The following FAM81B variants were observed in gnomAD, a reference collection of about 807,000 sequenced individuals.
FAM81B encodes the protein protein FAM81B.
Under a neutral mutation model 58.7 loss-of-function variants are expected in FAM81B, and 60 were observed. That is an observed-to-expected ratio of 1.02 (90% CI 0.83 to 1.27). The LOEUF (loss-of-function observed/expected upper bound fraction) is 1.27, where lower values mean the gene tolerates loss of function less well. Ranked by LOEUF, FAM81B falls within the 50% of genes most tolerant of loss-of-function variation. FAM81B has a pLI of 0.00. For synonymous variants in FAM81B, 189 were observed against 179.6 expected, an observed-to-expected ratio of 1.05 and a Z score of -0.42; for missense variants, 491 against 522.0, an observed-to-expected ratio of 0.94 and a Z score of 0.58.
chr5:95,397,906 C>T (rs1762004735), intron 3 of FAM81B, among the ~76,000 whole-genome samples: 1 of 152,154 alleles, frequency 6.6e-6, no homozygotes, highest in Non-Finnish European at 1.5e-5. Flanking sequence ...GATATCCCTC[C>T]AGTAGCCTAT....
intron 3 of FAM81B, among the ~76,000 whole-genome samples, chr5:95,399,316 C>T (rs573213680): frequency 6.6e-6 from 1 of 152,298 alleles, no homozygotes; most frequent in South Asian, 2.1e-4. Flanking sequence ...TGATGCATTG[C>T]TTTTGTTACT....
chr5:95,407,238 T>A (rs1294418701), intron 3 of FAM81B, among the ~76,000 whole-genome samples: 1 of 150,274 alleles, frequency 6.7e-6, no homozygotes, highest in Non-Finnish European at 1.5e-5. Flanking sequence ...ACCTGAGTGA[T>A]TCCAAAAATG....
intron 3 of FAM81B, among the ~76,000 whole-genome samples, chr5:95,410,195 A>T (rs1175907643): frequency 6.6e-6 from 1 of 152,178 alleles, no homozygotes; most frequent in Non-Finnish European, 1.5e-5. Flanking sequence ...TCTATCGGGA[A>T]TGGGGACACA....
At chr5:95,406,760 G>A (rs748960817) in intron 3 of FAM81B, among the ~76,000 whole-genome samples, 4 of 152,104 alleles carry the variant, frequency 2.6e-5, no homozygotes, top group South Asian at 2.1e-4. Context: ...GAGACAGGAT[G>A]GGAAGCCACA....
chr5:95,396,648 C>CTTGG (rs1761972953), intron 3 of FAM81B: 1 of 152,870 alleles, frequency 6.5e-6, no homozygotes, highest in Non-Finnish European at 1.5e-5. Flanking sequence ...CACAGAGGGA[C>CTTGG]AACTCCAGGC....
intron 7 of FAM81B, among the ~76,000 whole-genome samples, chr5:95,441,629 G>GGA (rs766572019): frequency 1.3e-5 from 2 of 151,732 alleles, no homozygotes; most frequent in Non-Finnish European, 2.9e-5. Context: ...AGGTTAAATA[G>GGA]GCAATCTTCC....
chr5:95,424,298 TAGAC>T (rs768013844), intron 5 of FAM81B: 101 of 1,129,236 alleles, frequency 8.9e-5, no homozygotes, highest in African/African-American at 4.8e-4. Flanking sequence ...AGATAGATGA[TAGAC>T]AGACAGACAG....
Position 95,413,980 on chromosome 5 carries a change from C to G in FAM81B, c.327C>G (p.Thr109=). Residue 109 remains threonine, a synonymous_variant, in exon 4 of 10, where the codon ACC becomes ACG. Transcript: ENST00000283357. Reference sequence around the variant, plus strand: ...CTTTTCTCCCCATCATTCCAAACACCCAGAGAGGTCAGCTAGAAGACAGAC... The same window carrying G: ...CTTTTCTCCCCATCATTCCAAACACGCAGAGAGGTCAGCTAGAAGACAGAC... ...SHAFLPIIPN[T]QRGQLEDRLN... is the part of the protein sequence containing the mutation. The G allele has an allele frequency of 6.2e-7, 1 of 1,613,878 alleles. No individual in the cohort carries two copies. The highest frequency in any genetic ancestry group is 1.1e-5 in the South Asian group (1 of 91,042).
chr5:95,413,029 G>T (rs900858274), intron 3 of FAM81B, among the ~76,000 whole-genome samples: 1 of 152,114 alleles, frequency 6.6e-6, no homozygotes, highest in Admixed American at 6.6e-5. Context: ...AAGCATCTTT[G>T]GTTCAGAATG....
At chr5:95,432,220 C>G (rs1395143779) in intron 6 of FAM81B, among the ~76,000 whole-genome samples, 1 of 151,978 alleles carries the variant, frequency 6.6e-6, no homozygotes, top group African/African-American at 2.4e-5. Context: ...ATTAAACCAT[C>G]CTTGCATTTT....
intron 3 of FAM81B, among the ~76,000 whole-genome samples, chr5:95,411,192 A>T (rs977597237): frequency 1.4e-4 from 22 of 152,340 alleles, no homozygotes; most frequent in African/African-American, 5.1e-4. Flanking sequence ...GTTTTAACAC[A>T]TGGGCTTTGG....
intron 8 of FAM81B, 43 bp downstream of exon 8, chr5:95,446,740 C>A: frequency 6.3e-7 from 1 of 1,599,132 alleles, no homozygotes; most frequent in Non-Finnish European, 8.5e-7. Flanking sequence ...CCTGCATAGT[C>A]CTTGTTAGCA....
At chr5:95,405,301 A>T (rs1467267390) in intron 3 of FAM81B, among the ~76,000 whole-genome samples, 1 of 152,170 alleles carries the variant, frequency 6.6e-6, no homozygotes, top group Non-Finnish European at 1.5e-5. Context: ...TCAAATCGTG[A>T]CCCTGAATCT....
chr5:95,435,448 T>G (rs1392971285), intron 6 of FAM81B, among the ~76,000 whole-genome samples: 2 of 152,214 alleles, frequency 1.3e-5, no homozygotes, highest in East Asian at 3.8e-4. Flanking sequence ...AGATGCTTAG[T>G]GGGCACTGGG....
At chr5:95,396,316 A>G in intron 3 of FAM81B, 141 bp downstream of exon 3, 1 of 604,420 alleles carries the variant, frequency 1.7e-6, no homozygotes, top group South Asian at 2.5e-5. Flanking sequence ...AGTTCTCTGC[A>G]TTCAGAAGAG....
chr5:95,404,188 T>G (rs1219067508), intron 3 of FAM81B, among the ~76,000 whole-genome samples: 1 of 152,138 alleles, frequency 6.6e-6, no homozygotes, highest in Non-Finnish European at 1.5e-5. Context: ...CTAGGCTATG[T>G]GTCACCTTCA....
At chr5:95,426,145 ATATG>A (rs1762825773) in intron 5 of FAM81B, among the ~76,000 whole-genome samples, 1 of 142,382 alleles carries the variant, frequency 7.0e-6, no homozygotes, top group African/African-American at 2.6e-5. Flanking sequence ...TTTTAAGTAT[ATATG>A]TATAATGATG....
At chr5:95,423,713 A>C (rs1437217284) in intron 5 of FAM81B, among the ~76,000 whole-genome samples, 2 of 152,218 alleles carry the variant, frequency 1.3e-5, no homozygotes, top group East Asian at 3.8e-4. Context: ...ACTCAATGCC[A>C]GTGAAAAATA....
intron 3 of FAM81B, among the ~76,000 whole-genome samples, chr5:95,402,600 T>C (rs1478608246): frequency 6.6e-6 from 1 of 152,218 alleles, no homozygotes; most frequent in Non-Finnish European, 1.5e-5. Context: ...TGCATAGCAG[T>C]AGGTGATACC....
Sources: gnomAD v4.1 joint callset for allele counts (sites outside exome capture counted in the v4.1 genomes callset) on GRCh38, gnomAD v4.1.1 for gene constraint, MANE v1.5 for transcripts, NCBI Gene and HGNC (gene_info 2026-07-23, HGNC 2026-07-21) for gene names.